KCNU1: variants seen among roughly 807,000 people sequenced by gnomAD.
The protein encoded by KCNU1 is potassium channel subfamily U member 1.
In KCNU1, 93 loss-of-function variants were observed where a neutral mutation model predicts 126.8. The observed-to-expected ratio is 0.73, with a 90% CI of 0.62 to 0.87. The LOEUF is 0.87. KCNU1 is among the 40% of genes least tolerant of loss of function. KCNU1 has a pLI of 0.00. For synonymous variants in KCNU1, 523 were observed against 494.2 expected (o/e 1.06, Z -0.77); for missense variants, 1,330 against 1,367.1 (o/e 0.97, Z 0.43).
chr8:36,833,409 T>TA (rs1211626133), intron 10 of KCNU1, 145 bp from the exon 11 acceptor site: 2 of 449,192 alleles, frequency 4.5e-6, no homozygotes, highest in East Asian at 3.4e-5. Flanking sequence ...TTACATTTTT[T>TA]AAAAAAATAG....
chr8:36,918,348 C>T (rs1441535329), intron 22 of KCNU1, among the ~76,000 whole-genome samples: 1 of 151,842 alleles, frequency 6.6e-6, no homozygotes, highest in Admixed American at 6.6e-5. Flanking sequence ...TTGCAAGCAG[C>T]CTGGGCAACA....
chr8:36,784,675 A>C, intron 1 of KCNU1, 70 bp downstream of exon 1: 1 of 1,175,216 alleles, frequency 8.5e-7, no homozygotes, highest in Non-Finnish European at 1.2e-6. Context: ...TGTGTTTAGT[A>C]AAAGATCTAA....
intron 10 of KCNU1, among the ~76,000 whole-genome samples, chr8:36,829,312 C>T (rs1258298205): frequency 6.6e-6 from 1 of 151,736 alleles, no homozygotes; most frequent in Non-Finnish European, 1.5e-5. Flanking sequence ...TATATTAAAG[C>T]ACTTATTGTT....
chr8:36,879,209 GTGTATATATATATA>G (rs1041440190), intron 19 of KCNU1, among the ~76,000 whole-genome samples: 4 of 86,690 alleles, frequency 4.6e-5, no homozygotes, highest in Non-Finnish European at 8.9e-5. Context: ...GTGTGTGTGT[GTGTATATATATATA>G]TATATATATA....
intron 9 of KCNU1, among the ~76,000 whole-genome samples, chr8:36,816,732 G>T (rs563964487): frequency 6.6e-6 from 1 of 152,020 alleles, no homozygotes; most frequent in African/African-American, 2.4e-5. Flanking sequence ...TGCGTTAAAC[G>T]TAAGAAAATT....
intron 10 of KCNU1, among the ~76,000 whole-genome samples, chr8:36,830,613 G>A (rs2055465824): frequency 6.6e-6 from 1 of 152,044 alleles, no homozygotes; most frequent in African/African-American, 2.4e-5. Context: ...TTGCTTTAAA[G>A]TATGGTAGAA....
Position 36,826,934 on chromosome 8 carries a change from G to A in KCNU1, c.1107-6620G>A, listed in dbSNP as rs7013668. On this transcript the variant is annotated intron_variant, in intron 10 of 26. Transcript: ENST00000399881. ...CCTTTTGTGTATTTCAACAAAATAC[G>A]CATAAATATACTGTAGCTAGTTTTC... Among the ~76,000 whole-genome samples the A allele has an allele frequency of 9.6e-3, 1,461 of 151,972 alleles. 17 individuals carry two copies. Among genetic ancestry groups the A allele is most frequent in the African/African-American group, 0.031 (1,280 of 41,444 alleles).
At chr8:36,831,743 T>A (rs1188897927) in intron 10 of KCNU1, among the ~76,000 whole-genome samples, 2 of 149,556 alleles carry the variant, frequency 1.3e-5, no homozygotes, top group Non-Finnish European at 3.0e-5. Context: ...TCTTTTGCTG[T>A]GCAGAAGCTC....
At chr8:36,918,768 G>C (rs1808222283) in intron 22 of KCNU1, 55 bp from the exon 23 acceptor site, 4 of 1,034,548 alleles carry the variant, frequency 3.9e-6, no homozygotes, top group Middle Eastern at 2.1e-4. Context: ...CTACATTTTT[G>C]ACAAGTTTTG....
At chr8:36,821,093 A>G (rs1004569989) in intron 10 of KCNU1, among the ~76,000 whole-genome samples, 4 of 152,214 alleles carry the variant, frequency 2.6e-5, no homozygotes, top group Admixed American at 2.0e-4. Flanking sequence ...AAATGAAAAA[A>G]AGAAATGCTT....
chr8:36,831,390 T>C (rs952898002), intron 10 of KCNU1, among the ~76,000 whole-genome samples: 6 of 151,678 alleles, frequency 4.0e-5, no homozygotes, highest in Non-Finnish European at 7.4e-5. Flanking sequence ...GTAAAAGTGT[T>C]CCTATTTCTC....
intron 19 of KCNU1, among the ~76,000 whole-genome samples, chr8:36,872,206 C>A (rs912795739): frequency 3.9e-5 from 6 of 152,090 alleles, no homozygotes; most frequent in Admixed American, 3.9e-4. Flanking sequence ...AAATATTAAC[C>A]CTTCTGGGGC....
intron 7 of KCNU1, among the ~76,000 whole-genome samples, chr8:36,810,436 A>C (rs1007050013): frequency 6.6e-6 from 1 of 152,174 alleles, no homozygotes; most frequent in South Asian, 2.1e-4. Context: ...CCAGCAAGGA[A>C]GTAAGCACAG....
At chr8:36,808,165 A>G (rs1463058745) in intron 6 of KCNU1, among the ~76,000 whole-genome samples, 1 of 151,948 alleles carries the variant, frequency 6.6e-6, no homozygotes, top group Non-Finnish European at 1.5e-5. Context: ...AACCAGAGAG[A>G]TCTCAGCTAA....
intron 18 of KCNU1, among the ~76,000 whole-genome samples, chr8:36,851,489 T>A (rs1805347154): frequency 6.6e-6 from 1 of 151,940 alleles, no homozygotes; most frequent in Non-Finnish European, 1.5e-5. Context: ...TCCTGAGACC[T>A]CCCGAGCCAT....
chr8:36,785,351 A>G (rs1191019114), intron 1 of KCNU1, among the ~76,000 whole-genome samples: 2 of 152,150 alleles, frequency 1.3e-5, no homozygotes, highest in Non-Finnish European at 2.9e-5. Context: ...TTTGTTTCCA[A>G]TTTTGCTTCC....
chr8:36,892,562 C>T lies in KCNU1; in HGVS notation c.2010-13146C>T, dbSNP rs995645521. 4.2e-5 allele frequency among the ~76,000 whole-genome samples: 6 copies of T among 141,568 alleles called. No individual in the cohort carries two copies. The Admixed American group carries it at 4.8e-4, about 11-fold the overall frequency. The allele number at this position is 141,568 out of a possible 152,430, so 92.9% of individuals were successfully genotyped here. On this transcript the variant is annotated intron_variant, in intron 19 of 26. Coordinates refer to ENST00000399881, the MANE Select transcript of KCNU1 (RefSeq NM_001031836.3). ...TGTCTCATAATTTTTTGTTGAAAGCCAGGCATTTTAAATAATATTATATGA... is the reference window on the plus strand; with the variant it reads ...TGTCTCATAATTTTTTGTTGAAAGCTAGGCATTTTAAATAATATTATATGA...
At chr8:36,808,033 A>G (rs553159314) in intron 6 of KCNU1, among the ~76,000 whole-genome samples, 1 of 152,314 alleles carries the variant, frequency 6.6e-6, no homozygotes, top group Non-Finnish European at 1.5e-5. Context: ...CCATGCCTTG[A>G]CAGTCAAACT....
chr8:36,923,127 T>A (rs1034622401), intron 24 of KCNU1: 14 of 452,736 alleles, frequency 3.1e-5, no homozygotes, highest in Admixed American at 1.9e-4. Context: ...TGGTTATTCT[T>A]TAGTTTTCAG....
Sources: gnomAD v4.1 joint callset for allele counts (sites outside exome capture counted in the v4.1 genomes callset) on GRCh38, gnomAD v4.1.1 for gene constraint, MANE v1.5 for transcripts, NCBI Gene and HGNC (gene_info 2026-07-23, HGNC 2026-07-21) for gene names.